PRH1: variants seen among roughly 807,000 people sequenced by gnomAD.
PRH1 encodes proline rich protein HaeIII subfamily 1, also known as salivary acidic proline-rich phosphoprotein 1/2.
In PRH1, 7 loss-of-function variants were observed where a neutral mutation model predicts 7.9. That is an observed-to-expected ratio of 0.89 (90% CI 0.50 to 1.67). PRH1 has a LOEUF of 1.67. PRH1 is among the 40% of genes most tolerant of loss of function. The pLI, the probability that PRH1 is intolerant of heterozygous loss-of-function variation, is 0.00. For missense variants in PRH1, 109 were observed against 223.6 expected (o/e 0.49, Z 3.27); for synonymous variants, 45 against 80.8 (o/e 0.56, Z 2.38).
At chr12:11,091,960 C>G in intron 1 of PRH1, 5 of 1,074,206 alleles carry the variant, frequency 4.7e-6, no homozygotes, top group Non-Finnish European at 6.7e-6. Flanking sequence ...AATGGTTGAT[C>G]ACTGCCCAGA....
chr12:10,958,198 T>C (rs1440715272), intron 2 of PRH1, among the ~76,000 whole-genome samples: 1 of 152,056 alleles, frequency 6.6e-6, no homozygotes, highest in Non-Finnish European at 1.5e-5. Flanking sequence ...AAAGAAAATA[T>C]GGTACATACA....
chr12:11,041,125 A>G (rs1445347581), intron 1 of PRH1, among the ~76,000 whole-genome samples: 2 of 151,806 alleles, frequency 1.3e-5, no homozygotes, highest in Non-Finnish European at 2.9e-5. Flanking sequence ...GTTGAATGAA[A>G]ATGGACTAAA....
intron 1 of PRH1, chr12:11,031,308 A>T (rs893020358): frequency 6.2e-7 from 1 of 1,613,418 alleles, no homozygotes; most frequent in African/African-American, 1.3e-5. Flanking sequence ...ACCACACTGG[A>T]AAAAATGATG....
At chr12:11,040,602 C>T (rs574248439) in intron 1 of PRH1, among the ~76,000 whole-genome samples, 31 of 152,156 alleles carry the variant, frequency 2.0e-4, no homozygotes, top group Non-Finnish European at 3.8e-4. Context: ...GGAGAAATAC[C>T]TAATGTAGAT....
Position 10,929,142 on chromosome 12 carries a change from C to G in PRH1, c.-59+44513G>C, listed in dbSNP as rs543297731. On this transcript the variant is annotated intron_variant, in intron 2 of 3. Coordinates refer to the PRH1 transcript ENST00000539853. The stretch of plus-strand genomic sequence containing the variant: ...TTGACCTGAAGTAAGCAAAGCAGAA[C>G]CCAGTCTCTGAGGCGAGGAGGCCCA... 3,437 of 1,079,196 alleles carry G rather than the reference C, an allele frequency of 3.2e-3. 53 individuals carry two copies. In the African/African-American group the frequency reaches 0.032, roughly 10 times the overall value. 66.9% of individuals were successfully genotyped at this position (1,079,196 alleles called of 1,614,324 possible). A position where few individuals can be genotyped will look rare whatever the true frequency, so the allele number is the denominator to read the frequency against.
chr12:11,077,997 AGCTCCT>A, intron 1 of PRH1: 2 of 752,346 alleles, frequency 2.7e-6, no homozygotes, highest in African/African-American at 1.7e-5. Context: ...TAGAAGCAAC[AGCTCCT>A]ACTTCTGAAC....
rs1006685560 is a variant in PRH1 at position 11,146,629 on chromosome 12, G to A, written n.39+24793C>T. On this transcript the variant is annotated intron_variant and non_coding_transcript_variant, in intron 1 of 1. Transcript: ENST00000541175. ...TTTTCCTTTATGTTTCGTGGTTTTT[G>A]TATCTTTCAGATAAAATCCTCACCT... Among the ~76,000 whole-genome samples the A allele has an allele frequency of 6.6e-4, 101 of 151,914 alleles. 1 individual carries two copies. The highest frequency in any genetic ancestry group is 1.4e-3 in the Non-Finnish European group (97 of 67,932).
At chr12:10,998,743 A>G (rs1423016213) in intron 1 of PRH1, among the ~76,000 whole-genome samples, 1 of 152,136 alleles carries the variant, frequency 6.6e-6, no homozygotes, top group Non-Finnish European at 1.5e-5. Context: ...GCTTGTAAAC[A>G]TTCCTGAGTA....
intron 1 of PRH1, among the ~76,000 whole-genome samples, chr12:11,142,138 G>C (rs1025132733): frequency 6.6e-6 from 1 of 152,036 alleles, no homozygotes; most frequent in African/African-American, 2.4e-5. Flanking sequence ...AGAAAGGCAT[G>C]ACATCCGTCT....
intron 1 of PRH1, among the ~76,000 whole-genome samples, chr12:11,016,679 T>C (rs774856947): frequency 7.2e-5 from 11 of 152,152 alleles, no homozygotes; most frequent in Non-Finnish European, 1.3e-4. Context: ...TACCTAGAGT[T>C]TTGACTCATG....
At chr12:10,975,255 G>C (rs1939030823) in intron 1 of PRH1, among the ~76,000 whole-genome samples, 1 of 152,166 alleles carries the variant, frequency 6.6e-6, no homozygotes, top group South Asian at 2.1e-4. Flanking sequence ...AAAGAGAATG[G>C]GGGCTTACAT....
intron 1 of PRH1, chr12:11,021,640 A>G: frequency 6.3e-7 from 1 of 1,574,806 alleles, no homozygotes; most frequent in Non-Finnish European, 8.7e-7. Context: ...CCCCTTGTGA[A>G]TCTATGGAGT....
chr12:11,025,918 A>C (rs971679129), intron 1 of PRH1, among the ~76,000 whole-genome samples: 7 of 152,300 alleles, frequency 4.6e-5, no homozygotes, highest in African/African-American at 1.7e-4. Flanking sequence ...AACTGAACAA[A>C]CTACTCTTAA....
intron 1 of PRH1, among the ~76,000 whole-genome samples, chr12:11,115,011 A>T (rs577197093): frequency 6.6e-6 from 1 of 152,298 alleles, no homozygotes; most frequent in East Asian, 1.9e-4. Flanking sequence ...CATAACCAGA[A>T]AACAAATAAC....
chr12:11,035,732 T>TA (rs902741079), intron 1 of PRH1, among the ~76,000 whole-genome samples: 7 of 152,284 alleles, frequency 4.6e-5, no homozygotes, highest in African/African-American at 1.7e-4. Flanking sequence ...TTTTTTTGGA[T>TA]AGTATCTTAT....
At chr12:11,160,426 G>A (rs1947379012) in intron 1 of PRH1, among the ~76,000 whole-genome samples, 1 of 152,046 alleles carries the variant, frequency 6.6e-6, no homozygotes, top group Non-Finnish European at 1.5e-5. Context: ...ATAGTTCTCT[G>A]AGGTTAGGGA....
At chr12:10,967,093 CG>C (rs1565506708) in intron 2 of PRH1, among the ~76,000 whole-genome samples, 1 of 127,768 alleles carries the variant, frequency 7.8e-6, no homozygotes, top group Non-Finnish European at 1.6e-5. Flanking sequence ...CCAGCCTGGG[CG>C]ACAGAGCAAG....
intron 3 of PRH1, among the ~76,000 whole-genome samples, chr12:10,881,530 T>A (rs1285749556): frequency 6.6e-6 from 1 of 152,170 alleles, no homozygotes; most frequent in African/African-American, 2.4e-5. Context: ...AAACAATAAA[T>A]TTTTCCAGTG....
intron 1 of PRH1, among the ~76,000 whole-genome samples, chr12:11,000,133 T>A (rs1327688167): frequency 6.6e-6 from 1 of 152,140 alleles, no homozygotes; most frequent in East Asian, 1.9e-4. Context: ...AAAAATAATT[T>A]ATCTAAATTT....
Sources: allele counts gnomAD v4.1 joint callset (sites outside exome capture counted in the v4.1 genomes callset), GRCh38; gene constraint gnomAD v4.1.1; transcripts MANE v1.5; gene names NCBI Gene and HGNC (gene_info 2026-07-23, HGNC 2026-07-21).